ATXN7L1: variants seen among roughly 807,000 people sequenced by gnomAD.
ATXN7L1 encodes ataxin-7-like protein 1.
In ATXN7L1, 15 loss-of-function variants were observed where a neutral mutation model predicts 70.8. The ratio of observed to expected loss-of-function variants is 0.21; its 90% CI spans 0.14 to 0.33. ATXN7L1 has a LOEUF of 0.33. Ranked by LOEUF, ATXN7L1 falls within the 10% of genes least tolerant of loss-of-function variation. The pLI is 1.00. For synonymous variants in ATXN7L1, 440 were observed against 445.1 expected (o/e 0.99, Z 0.14); for missense variants, 975 against 1,097.1 (o/e 0.89, Z 1.57).
At chr7:105,630,632 G>C (rs529478871) in intron 7 of ATXN7L1, among the ~76,000 whole-genome samples, 4 of 152,140 alleles carry the variant, frequency 2.6e-5, no homozygotes, top group African/African-American at 9.6e-5. Flanking sequence ...TAAGGTGGGA[G>C]GATTGCTTGA....
Position 105,607,886 on chromosome 7 carries a change from G to A in ATXN7L1, c.2552C>T (p.Thr851Ile), listed in dbSNP as rs1792827694. ...ISSPGHSRQN[T>I]NRTGRIRTLP The stretch of plus-strand genomic sequence containing the variant: ...AGTCCTTATCCTGCCCGTTCTGTTT[G>A]TGTTCTTCTAGGAAAGAAAAGAAAA... Residue 851 changes from threonine (T) to isoleucine (I), a missense_variant, in exon 12 of 12, where the codon ACA becomes ATA. Thr to Ile is a moderately conservative substitution (Grantham distance 89). Transcript: ENST00000419735. The A allele has an allele frequency of 6.4e-7, 1 of 1,551,846 alleles. No homozygotes were observed. The highest frequency in any genetic ancestry group is 8.7e-7 in the Non-Finnish European group (1 of 1,146,966).
At chr7:105,768,826 G>A (rs529108968) in intron 3 of ATXN7L1, among the ~76,000 whole-genome samples, 12 of 152,340 alleles carry the variant, frequency 7.9e-5, no homozygotes, top group African/African-American at 2.9e-4. Flanking sequence ...TCCTGAGTAA[G>A]GAAGATAGAA....
At chr7:105,681,878 G>A (rs1275481957) in intron 3 of ATXN7L1, among the ~76,000 whole-genome samples, 1 of 152,132 alleles carries the variant, frequency 6.6e-6, no homozygotes, top group African/African-American at 2.4e-5. Context: ...AAGGGAGGAG[G>A]AATGGGGAGT....
intron 3 of ATXN7L1, among the ~76,000 whole-genome samples, chr7:105,668,917 A>AT (rs1166201909): frequency 6.6e-6 from 1 of 151,640 alleles, no homozygotes; most frequent in African/African-American, 2.4e-5. Context: ...ACATATATAT[A>AT]TATTTTTTTT....
intron 8 of ATXN7L1, among the ~76,000 whole-genome samples, chr7:105,623,014 C>A (rs747462953): frequency 6.6e-6 from 1 of 152,190 alleles, no homozygotes; most frequent in Admixed American, 6.5e-5. Flanking sequence ...GATTAAATGA[C>A]CTTAGCGCTT....
intron 2 of ATXN7L1, among the ~76,000 whole-genome samples, chr7:105,827,816 A>T (rs566893161): frequency 6.6e-6 from 1 of 152,302 alleles, no homozygotes; most frequent in Non-Finnish European, 1.5e-5. Flanking sequence ...AGGTTTTAGT[A>T]AGGTCATATG....
intron 3 of ATXN7L1, among the ~76,000 whole-genome samples, chr7:105,742,991 G>A (rs372530523): frequency 4.6e-5 from 7 of 152,082 alleles, no homozygotes; most frequent in East Asian, 1.9e-4. Flanking sequence ...CCAAAATCAG[G>A]AAGTGATTCT....
chr7:105,740,666 G>A (rs957601107), intron 3 of ATXN7L1, among the ~76,000 whole-genome samples: 1 of 151,894 alleles, frequency 6.6e-6, no homozygotes, highest in African/African-American at 2.4e-5. Flanking sequence ...AGTTTCCTGT[G>A]GATGAAATGG....
chr7:105,799,174 G>A (rs1308708601), intron 2 of ATXN7L1, among the ~76,000 whole-genome samples: 3 of 152,238 alleles, frequency 2.0e-5, no homozygotes, highest in African/African-American at 7.2e-5. Flanking sequence ...CCTTACATGT[G>A]CAGGAATGTG....
chr7:105,727,221 T>C lies in ATXN7L1; in HGVS notation c.355+61383A>G, dbSNP rs528033045. The stretch of plus-strand genomic sequence containing the variant: ...AGAGTGTTCACTAGAGCACTGCCAA[T>C]ATTAACAGGGGGGAAAATGTAACCA... On this transcript the variant is annotated intron_variant, in intron 3 of 11. Transcript: ENST00000419735. Among the ~76,000 whole-genome samples, 23 of 152,180 alleles carry C rather than the reference T, an allele frequency of 1.5e-4. No homozygotes were observed. In the South Asian group the frequency reaches 4.3e-3, roughly 29 times the overall value.
intron 2 of ATXN7L1, among the ~76,000 whole-genome samples, chr7:105,809,435 G>A (rs1336315109): frequency 2.6e-5 from 4 of 151,996 alleles, no homozygotes; most frequent in East Asian, 1.9e-4. Context: ...TCCTTCCTCC[G>A]GCCCCTGGCA....
At chr7:105,763,498 C>A (rs921884545) in intron 3 of ATXN7L1, among the ~76,000 whole-genome samples, 2 of 152,340 alleles carry the variant, frequency 1.3e-5, no homozygotes, top group Middle Eastern at 3.4e-3. Flanking sequence ...TGTTTTTAAA[C>A]CTGGGGGCAT....
intron 2 of ATXN7L1, among the ~76,000 whole-genome samples, chr7:105,815,311 G>A (rs1465814877): frequency 6.6e-6 from 1 of 152,142 alleles, no homozygotes; most frequent in Admixed American, 6.5e-5. Context: ...ACTGCAGGCT[G>A]ACTTTCTACC....
chr7:105,612,698 T>C (rs1401023920), intron 10 of ATXN7L1, among the ~76,000 whole-genome samples: 1 of 152,236 alleles, frequency 6.6e-6, no homozygotes, highest in East Asian at 1.9e-4. Context: ...TCCTCTCACC[T>C]TGGCCTCGGT....
intron 7 of ATXN7L1, among the ~76,000 whole-genome samples, chr7:105,627,409 A>AT (rs1795865310): frequency 1.3e-5 from 2 of 152,010 alleles, no homozygotes; most frequent in East Asian, 1.9e-4. Context: ...TAATTTTAAA[A>AT]TTTTTTATAG....
intron 2 of ATXN7L1, among the ~76,000 whole-genome samples, chr7:105,853,065 G>C (rs1815117591): frequency 6.6e-6 from 1 of 152,108 alleles, no homozygotes; most frequent in South Asian, 2.1e-4. Context: ...CCAAGGCTGA[G>C]GGGAGGCAGG....
At position 105,614,384 on chromosome 7, in the gene ATXN7L1, CGAA is replaced by C. The variant is rs1218365748; in HGVS notation, c.1947_1949del (p.Ser650del). 1.9e-6 allele frequency: 3 copies of C among 1,551,930 alleles called. No homozygotes were observed. Among genetic ancestry groups the C allele is most frequent in the Non-Finnish European group, 2.6e-6 (3 of 1,146,912 alleles). On this transcript the variant is annotated inframe_deletion, in exon 10 of 12. Coordinates refer to ENST00000419735, the MANE Select transcript of ATXN7L1 (RefSeq NM_020725.2). The surrounding 1 kb of genome is among the most constrained non-coding windows in gnomAD (Gnocchi z 4.3). ...AGGAGGAGGAGGAGGAGGAGGAAGT[CGAA>C]GACTGTGGCTTCCTTTTTTTGTTAC...
intron 7 of ATXN7L1, among the ~76,000 whole-genome samples, chr7:105,635,616 C>G (rs1432654878): frequency 6.6e-6 from 1 of 152,252 alleles, no homozygotes; most frequent in East Asian, 1.9e-4. Flanking sequence ...CACTTCAAAT[C>G]CCATTCCAAC....
At chr7:105,715,527 G>A (rs1048688926) in intron 3 of ATXN7L1, among the ~76,000 whole-genome samples, 3 of 152,232 alleles carry the variant, frequency 2.0e-5, no homozygotes, top group Non-Finnish European at 2.9e-5. Flanking sequence ...AAAAGAAAGA[G>A]GCAGCTACCC....
Sources: gnomAD v4.1 joint callset for allele counts (sites outside exome capture counted in the v4.1 genomes callset) on GRCh38, gnomAD v4.1.1 for gene constraint, Gnocchi (gnomAD v3.1) non-coding constraint, MANE v1.5 for transcripts, NCBI Gene and HGNC (gene_info 2026-07-23, HGNC 2026-07-21) for gene names.